The following BTD variants were observed in gnomAD, a reference collection of about 807,000 sequenced individuals.
The protein encoded by BTD is biocytinase.
Under a neutral mutation model 17.7 loss-of-function variants are expected in BTD, and 13 were observed. The ratio of observed to expected loss-of-function variants is 0.74; its 90% CI spans 0.48 to 1.17. The LOEUF (loss-of-function observed/expected upper bound fraction) is 1.17, where lower values mean the gene tolerates loss of function less well. Ranked by LOEUF, BTD falls within the 50% of genes most tolerant of loss-of-function variation. The pLI is 0.00. For missense variants in BTD, 674 were observed against 650.4 expected, an observed-to-expected ratio of 1.04 and a Z score of -0.39; for synonymous variants, 240 against 245.2, an observed-to-expected ratio of 0.98 and a Z score of 0.20.
intron 3 of BTD, among the ~76,000 whole-genome samples, chr3:15,678,019 A>G (rs1225618653): frequency 6.6e-6 from 1 of 152,228 alleles, no homozygotes; most frequent in African/African-American, 2.4e-5. Context: ...ATGGTAAAGT[A>G]GACTCCTCAA....
intron 3 of BTD, chr3:15,685,333 T>C: frequency 6.2e-7 from 1 of 1,614,032 alleles, no homozygotes; most frequent in Non-Finnish European, 8.5e-7. Context: ...AACACCAATG[T>C]GTCCACAGGC....
intron 1 of BTD, among the ~76,000 whole-genome samples, chr3:15,628,453 CT>C (rs1321606670): frequency 6.6e-6 from 1 of 152,196 alleles, no homozygotes; most frequent in East Asian, 1.9e-4. Flanking sequence ...TGCACTGGTT[CT>C]TTTTCTTCTG....
At chr3:15,632,401 T>C (rs2065235993) in intron 1 of BTD, among the ~76,000 whole-genome samples, 2 of 152,154 alleles carry the variant, frequency 1.3e-5, no homozygotes, top group South Asian at 2.1e-4. Context: ...TGCTGTTCCC[T>C]GGAAGTGGGG....
chr3:15,612,219 G>T (rs112819610), intron 1 of BTD, among the ~76,000 whole-genome samples: 2 of 151,984 alleles, frequency 1.3e-5, no homozygotes, highest in African/African-American at 2.4e-5. Flanking sequence ...TACATTCAAG[G>T]CTCTTGCCAG....
intron 3 of BTD, among the ~76,000 whole-genome samples, chr3:15,683,553 A>G (rs1158982020): frequency 6.6e-6 from 1 of 152,232 alleles, no homozygotes; most frequent in Admixed American, 6.5e-5. Context: ...AGACTAAACT[A>G]GCTTGTTCAA....
At chr3:15,641,012 G>A (rs1254734085) in intron 2 of BTD, among the ~76,000 whole-genome samples, 7 of 152,262 alleles carry the variant, frequency 4.6e-5, no homozygotes, top group Admixed American at 4.6e-4. Flanking sequence ...TCCTCCCTGG[G>A]GCTGGTGTTC....
In BTD at chr3:15,644,929, A is replaced by G. The variant is rs1379845261; in HGVS notation, c.1013A>G (p.His338Arg). The change falls in exon 4 of 4, where the codon CAT (histidine) becomes CGT (arginine). Residue 338 changes from histidine (H) to arginine (R), a missense_variant. Physicochemically the swap from His to Arg is conservative, Grantham distance 29. Transcript: ENST00000643237. The stretch of plus-strand genomic sequence containing the variant: ...GCAACAGGTGAAACGGACCCATCCC[A>G]TAGTAAGTTTTTAAAAATTTTGTCA... Reference protein sequence around the residue: ...ENATGETDPSHSKFLKILSGD... With the variant: ...ENATGETDPSRSKFLKILSGD... 12 of 1,614,138 alleles carry G rather than the reference A, an allele frequency of 7.4e-6. No individual in the cohort carries two copies. Among genetic ancestry groups the G allele is most frequent in the Middle Eastern group, 1.7e-4 (1 of 6,060 alleles).
chr3:15,707,948 G>A, intron 3 of BTD: 1 of 1,613,256 alleles, frequency 6.2e-7, no homozygotes, highest in Admixed American at 1.7e-5. Context: ...TGATGTAGCT[G>A]CATAGTGCAG....
In BTD at chr3:15,637,594, C is replaced by T. The variant is rs115971895; in HGVS notation, c.249+1906C>T. 3.2e-3 allele frequency among the ~76,000 whole-genome samples: 492 copies of T among 152,186 alleles called. 3 individuals are homozygous for T. The highest frequency in any genetic ancestry group is 0.012 in the African/African-American group (481 of 41,520). On this transcript the variant is annotated intron_variant, in intron 2 of 3. Transcript: ENST00000643237. Reference sequence around the variant, plus strand: ...CGTCATTCACACATATGATACACACCTCATTTATGTCTATGCTGAAGTCAG... The same window carrying T: ...CGTCATTCACACATATGATACACACTTCATTTATGTCTATGCTGAAGTCAG...
intron 2 of BTD, among the ~76,000 whole-genome samples, chr3:15,637,587 T>TA (rs1350851933): frequency 6.6e-6 from 1 of 152,192 alleles, no homozygotes; most frequent in Non-Finnish European, 1.5e-5. Flanking sequence ...ACACATATGA[T>TA]ACACACCTCA....
intron 3 of BTD, among the ~76,000 whole-genome samples, chr3:15,681,941 TC>T (rs887518756): frequency 1.3e-5 from 2 of 152,144 alleles, no homozygotes; most frequent in African/African-American, 4.8e-5. Context: ...GTTGAGAAAC[TC>T]CTTTAATGCC....
Position 15,652,474 on chromosome 3 carries a change from G to A in BTD, c.*6986G>A, listed in dbSNP as rs566475587. Reference sequence around the variant, plus strand: ...ACAGCCACCAGCTAGCTGCATGAGCGAGCCATGTTGGAAGTGGGTCCTCCA... The same window carrying A: ...ACAGCCACCAGCTAGCTGCATGAGCAAGCCATGTTGGAAGTGGGTCCTCCA... On this transcript the variant is annotated 3_prime_UTR_variant, in exon 4 of 4. Transcript: ENST00000643237. 2.0e-5 allele frequency among the ~76,000 whole-genome samples: 3 copies of A among 152,284 alleles called. No individual in the cohort carries two copies. In the South Asian group the frequency reaches 6.2e-4, roughly 32 times the overall value.
At chr3:15,660,789 T>C (rs2455802) in intron 3 of BTD, among the ~76,000 whole-genome samples, 95,903 of 152,020 alleles carry the variant, frequency 0.63, 31,178 homozygotes, top group East Asian at 0.77. Context: ...TCCTCCCTCA[T>C]ATCCCCTGGC....
At chr3:15,623,143 C>A (rs904087437) in intron 1 of BTD, among the ~76,000 whole-genome samples, 2 of 152,142 alleles carry the variant, frequency 1.3e-5, no homozygotes, top group African/African-American at 4.8e-5. Flanking sequence ...GAAACCACTC[C>A]CATGATTCAA....
intron 1 of BTD, among the ~76,000 whole-genome samples, chr3:15,604,342 C>A (rs1379870605): frequency 6.6e-6 from 1 of 152,258 alleles, no homozygotes; most frequent in Non-Finnish European, 1.5e-5. Flanking sequence ...TGAAGCCAGG[C>A]CTGAGCTGTA....
chr3:15,709,611 G>A, intron 3 of BTD: 1 of 1,206,236 alleles, frequency 8.3e-7, no homozygotes, highest in Non-Finnish European at 1.2e-6. Context: ...CAGTTAGAAG[G>A]TCAATCAAGT....
intron 1 of BTD, among the ~76,000 whole-genome samples, chr3:15,625,227 C>CT (rs1254678709): frequency 6.6e-6 from 1 of 152,178 alleles, no homozygotes; most frequent in Non-Finnish European, 1.5e-5. Flanking sequence ...GGACTGTGAA[C>CT]TTTACAAGTG....
intron 3 of BTD, among the ~76,000 whole-genome samples, chr3:15,703,185 A>G (rs945690435): frequency 4.6e-5 from 7 of 152,272 alleles, no homozygotes; most frequent in Non-Finnish European, 8.8e-5. Flanking sequence ...GTAATAAAAA[A>G]TATCAGATAC....
At chr3:15,679,873 T>C (rs559137906) in intron 3 of BTD, among the ~76,000 whole-genome samples, 4 of 151,972 alleles carry the variant, frequency 2.6e-5, no homozygotes, top group Non-Finnish European at 5.9e-5. Flanking sequence ...GCAGACTTTT[T>C]TTCTTGTCAT....
Sources: allele counts gnomAD v4.1 joint callset (sites outside exome capture counted in the v4.1 genomes callset), GRCh38; gene constraint gnomAD v4.1.1; transcripts MANE v1.5; gene names NCBI Gene and HGNC (gene_info 2026-07-23, HGNC 2026-07-21).